OR13A1: variants seen among roughly 807,000 people sequenced by gnomAD.
The protein encoded by OR13A1 is olfactory receptor family 13 subfamily A member 1, also known as olfactory receptor 13A1.
OR13A1 carries 10 observed loss-of-function variants against 7.5 expected under a neutral mutation model. That is an observed-to-expected ratio of 1.34 (90% CI 0.83 to 2.27). The LOEUF is 2.27. OR13A1 is among the 30% of genes most tolerant of loss of function. The pLI is 0.00. For synonymous variants in OR13A1, 238 were observed against 177.9 expected (o/e 1.34, Z -2.69); for missense variants, 509 against 419.1 (o/e 1.21, Z -1.87).
chr10:45,303,325 GT>G lies in OR13A1; in HGVS notation c.*110del. The G allele has an allele frequency of 8.6e-7, 1 of 1,167,020 alleles. No homozygotes were observed. Among genetic ancestry groups the G allele is most frequent in the South Asian group, 1.5e-5 (1 of 66,420 alleles). The allele number at this position is 1,167,020 out of a possible 1,614,324, so 72.3% of individuals were successfully genotyped here. The stretch of plus-strand genomic sequence containing the variant: ...GCACTCCCAGCTCATCCATGCACAG[GT>G]TCTGCTGGGTTAGAAAAAACAAGTC... On this transcript the variant is annotated 3_prime_UTR_variant, in exon 4 of 4. Coordinates refer to ENST00000553795, the MANE Select transcript of OR13A1 (RefSeq NM_001004297.3).
rs1838256886 is a variant in OR13A1, at chr10:45,303,700, G to A, written c.723C>T (p.Ser241=). 6.2e-7 allele frequency: 1 copy of A among 1,614,112 alleles called. No homozygotes were observed. Among genetic ancestry groups the A allele is most frequent in the Admixed American group, 1.7e-5 (1 of 60,008 alleles). The change falls in exon 4 of 4, where the codon TCC becomes TCT. Residue 241 remains serine, a synonymous_variant. Transcript: ENST00000553795. ...MTIASYGFIV[S]SILKVKTAWG... The stretch of plus-strand genomic sequence containing the variant: ...AGGCAGTCTTCACCTTCAGGATGCT[G>A]GAGACGATGAAGCCATAGGACGCGA...
At chr10:45,305,761 C>G (rs1419031351) in intron 3 of OR13A1, among the ~76,000 whole-genome samples, 1 of 152,204 alleles carries the variant, frequency 6.6e-6, no homozygotes, top group African/African-American at 2.4e-5. Context: ...CAGGAATGCC[C>G]TTTTTCTCAT....
At position 45,307,579 on chromosome 10, in the gene OR13A1, C is replaced by A. The variant is rs1292591432; in HGVS notation, c.-154-12G>T. On this transcript the variant is annotated splice_polypyrimidine_tract_variant and intron_variant, in intron 2 of 3. Transcript: ENST00000553795. ...GCCAGTCATTTCTTCTGAAAAATAA[C>A]AAAGACCTTGCTCCCTTGAGTTTCA... 1 of 152,176 alleles carries A rather than the reference C, an allele frequency of 6.6e-6. No individual in the cohort carries two copies. The highest frequency in any genetic ancestry group is 1.5e-5 in the Non-Finnish European group (1 of 68,020). The allele number at this position is 152,176 out of a possible 1,614,324, so 9.4% of individuals were successfully genotyped here.
intron 1 of OR13A1, among the ~76,000 whole-genome samples, chr10:45,312,101 T>C (rs1051594072): frequency 6.6e-6 from 1 of 152,062 alleles, no homozygotes; most frequent in African/African-American, 2.4e-5. Flanking sequence ...GAACTGTAAG[T>C]GAGCTGTAAG....
At chr10:45,304,478 T>A in intron 3 of OR13A1, 44 bp from the exon 4 acceptor site, 1 of 1,522,030 alleles carries the variant, frequency 6.6e-7, no homozygotes, top group African/African-American at 1.4e-5. Flanking sequence ...GCTGCTCCCG[T>A]GTTTCTTCCA....
intron 3 of OR13A1, among the ~76,000 whole-genome samples, chr10:45,305,577 C>T (rs984738094): frequency 3.9e-5 from 6 of 152,190 alleles, no homozygotes; most frequent in African/African-American, 1.4e-4. Context: ...CCATGGCTTC[C>T]CATTGCCAAA....
intron 1 of OR13A1, among the ~76,000 whole-genome samples, chr10:45,312,178 C>T (rs1838458557): frequency 6.6e-6 from 1 of 151,274 alleles, no homozygotes; most frequent in African/African-American, 2.4e-5. Flanking sequence ...GGGAGAAGAA[C>T]AGAAAAAAAT....
Position 45,302,973 on chromosome 10 carries a change from C to G in OR13A1, c.*463G>C, listed in dbSNP as rs1454503546. 6.4e-6 allele frequency: 1 copy of G among 155,360 alleles called. No homozygotes were observed. The highest frequency in any genetic ancestry group is 2.4e-5 in the African/African-American group (1 of 41,576). 9.6% of individuals were successfully genotyped at this position (155,360 alleles called of 1,614,324 possible). ...TGGGGGTAGAAGGTTTCCTAGAGGC[C>G]AGTGGTCACCTTAAAACAAAGCTTC... is the stretch of plus-strand genomic sequence containing the variant. On this transcript the variant is annotated 3_prime_UTR_variant, in exon 4 of 4. Transcript: ENST00000553795.
At chr10:45,307,611 A>G (rs1459153920) in intron 2 of OR13A1, 44 bp from the exon 3 acceptor site, 1 of 152,190 alleles carries the variant, frequency 6.6e-6, no homozygotes, top group Non-Finnish European at 1.5e-5. Flanking sequence ...TTCATAGGGC[A>G]TTTGCTTCAA....
chr10:45,307,473 AC>A lies in OR13A1; in HGVS notation c.-61del, dbSNP rs532475457. 2.4e-3 allele frequency: 371 copies of A among 152,244 alleles called. No individual in the cohort carries two copies. Among genetic ancestry groups the A allele is most frequent in the African/African-American group, 7.9e-3 (330 of 41,532 alleles). 9.4% of individuals were successfully genotyped at this position (152,244 alleles called of 1,614,324 possible). A position where few individuals can be genotyped will look rare whatever the true frequency, so the allele number is the denominator to read the frequency against. ...GACAGGAGGACAGTCTTCTCAATCA[AC>A]TGGTCAATAATGAGATCAAAGAATC... On this transcript the variant is annotated 5_prime_UTR_variant, in exon 3 of 4. It introduces an in-frame stop codon into an upstream open reading frame of the 5' UTR. Coordinates refer to ENST00000553795, the MANE Select transcript of OR13A1 (RefSeq NM_001004297.3).
chr10:45,314,516 A>G (rs1350165326), intron 1 of OR13A1, among the ~76,000 whole-genome samples: 3 of 151,950 alleles, frequency 2.0e-5, no homozygotes, highest in Non-Finnish European at 2.9e-5. Flanking sequence ...CTAGGAGAGA[A>G]AAAAAACTAC....
intron 1 of OR13A1, among the ~76,000 whole-genome samples, chr10:45,315,027 T>G (rs964506634): frequency 1.3e-5 from 2 of 152,158 alleles, no homozygotes; most frequent in African/African-American, 4.8e-5. Context: ...TAAAAAACAC[T>G]TCAAAGCTCA....
Position 45,304,113 on chromosome 10 carries a change from C to T in OR13A1, c.310G>A (p.Val104Met). ...TAGGAGATGGAGCTCTCTTCCGACA[C>T]CAGACTGGCCAGCGCCTTGGGCATG... is the stretch of plus-strand genomic sequence containing the variant. ...SIMPKALASL[V>M]SEESSISYGG... The change falls in exon 4 of 4, where the codon GTG (valine) becomes ATG (methionine). Residue 104 changes from valine (V) to methionine (M), a missense_variant. Coordinates refer to ENST00000553795, the MANE Select transcript of OR13A1 (RefSeq NM_001004297.3). 1.2e-6 allele frequency: 2 copies of T among 1,614,158 alleles called. No individual in the cohort carries two copies. Among genetic ancestry groups the T allele is most frequent in the African/African-American group, 1.3e-5 (1 of 75,062 alleles).
intron 3 of OR13A1, 45 bp downstream of exon 3, chr10:45,307,381 A>C (rs1300658806): frequency 6.6e-6 from 1 of 152,246 alleles, no homozygotes; most frequent in African/African-American, 2.4e-5. Context: ...AAATTTCCAC[A>C]AATGTATTCA....
At position 45,304,154 on chromosome 10, in the gene OR13A1, A is replaced by G; in HGVS notation, c.269T>C (p.Ile90Thr). Residue 90 changes from isoleucine (I) to threonine (T), a missense_variant, in exon 4 of 4, where the codon ATC (isoleucine) becomes ACC (threonine). Transcript: ENST00000553795. Reference protein sequence around the residue: ...FLLNLATMDIICTSSIMPKAL... With the variant: ...FLLNLATMDITCTSSIMPKAL... ...CTTGGGCATGATGGAAGAGGTGCAG[A>G]TAATGTCCATAGTAGCCAAGTTGAG... 1 of 1,614,246 alleles carries G rather than the reference A, an allele frequency of 6.2e-7. No individual in the cohort carries two copies. The highest frequency in any genetic ancestry group is 8.5e-7 in the Non-Finnish European group (1 of 1,180,038).
chr10:45,304,550 C>T (rs1450401061), intron 3 of OR13A1, 116 bp from the exon 4 acceptor site: 4 of 845,378 alleles, frequency 4.7e-6, no homozygotes, highest in Non-Finnish European at 7.4e-6. Context: ...AGATAAACAC[C>T]CCAATATTAC....
rs548270998 is a variant in OR13A1 at position 45,303,719 on chromosome 10, G to C, written c.704C>G (p.Ser235Cys). The change falls in exon 4 of 4, where the codon TCC becomes TGC. Residue 235 changes from serine to cysteine, a missense_variant. Transcript: ENST00000553795. ...GIVNFLMTIA[S>C]YGFIVSSILK... The stretch of plus-strand genomic sequence containing the variant: ...GATGCTGGAGACGATGAAGCCATAG[G>C]ACGCGATGGTCATCAGGAAGTTCAC... 8 of 1,614,088 alleles carry C rather than the reference G, an allele frequency of 5.0e-6. No individual in the cohort carries two copies. In the African/African-American group the frequency reaches 9.3e-5, roughly 19 times the overall value.
intron 3 of OR13A1, among the ~76,000 whole-genome samples, 160 bp downstream of exon 3, chr10:45,307,266 G>A (rs531135691): frequency 3.9e-5 from 6 of 152,304 alleles, no homozygotes; most frequent in South Asian, 2.1e-4. Flanking sequence ...AACCTATTAC[G>A]AAGGAAACCT....
At chr10:45,307,614 T>A (rs1046878570) in intron 2 of OR13A1, 47 bp from the exon 3 acceptor site, 1 of 152,232 alleles carries the variant, frequency 6.6e-6, no homozygotes, top group Non-Finnish European at 1.5e-5. Context: ...ATAGGGCATT[T>A]GCTTCAATTC....
Sources: gnomAD v4.1 joint callset for allele counts (sites outside exome capture counted in the v4.1 genomes callset) on GRCh38, gnomAD v4.1.1 for gene constraint, MANE v1.5 for transcripts, NCBI Gene and HGNC (gene_info 2026-07-23, HGNC 2026-07-21) for gene names.